The following PRDM16 variants were observed in gnomAD, a reference collection of about 807,000 sequenced individuals.
PRDM16 encodes histone-lysine N-methyltransferase PRDM16.
A neutral mutation model predicts 110.6 loss-of-function variants in PRDM16; 23 were observed. That is an observed-to-expected ratio of 0.21 (90% CI 0.15 to 0.29). The LOEUF is 0.29. Among genes scored for constraint, PRDM16 ranks in the 10% least tolerant of loss-of-function variants. The pLI, the probability that PRDM16 is intolerant of heterozygous loss-of-function variation, is 1.00. For missense variants in PRDM16, 1,615 were observed against 1,794.3 expected, an observed-to-expected ratio of 0.90 and a Z score of 1.81; for synonymous variants, 799 against 781.8, an observed-to-expected ratio of 1.02 and a Z score of -0.37.
At chr1:3,140,842 G>A (rs2817182) in intron 1 of PRDM16, among the ~76,000 whole-genome samples, 276 of 152,320 alleles carry the variant, frequency 1.8e-3, no homozygotes, top group South Asian at 5.0e-3. Context: ...GGCTTCCCTC[G>A]GCAAAACCGT....
chr1:3,262,347 AG>A (rs1557565145), intron 3 of PRDM16, among the ~76,000 whole-genome samples: 1 of 152,264 alleles, frequency 6.6e-6, no homozygotes. Flanking sequence ...TCTGAGGGAC[AG>A]CCCCACACTT....
rs1448418539 is a variant in PRDM16, at chr1:3,175,048, G to C, written c.38-11077G>C. On this transcript the variant is annotated intron_variant, in intron 1 of 16. Transcript: ENST00000270722. This position sits in a 1 kb window ranked among gnomAD's most constrained non-coding sequence, Gnocchi z 4.8. ...CGGTCCCGGGCTGGTCAGAAGGTGG[G>C]ACCAGCGGCCAAGGCTCCTCCTAGC... Among the ~76,000 whole-genome samples, 1 of 152,210 alleles carries C rather than the reference G, an allele frequency of 6.6e-6. No individual in the cohort carries two copies. Among genetic ancestry groups the C allele is most frequent in the Non-Finnish European group, 1.5e-5 (1 of 68,044 alleles).
At chr1:3,093,310 A>G (rs1642318863) in intron 1 of PRDM16, among the ~76,000 whole-genome samples, 1 of 152,222 alleles carries the variant, frequency 6.6e-6, no homozygotes, top group Non-Finnish European at 1.5e-5. Context: ...GTACTGTCCA[A>G]CGTTGCGATG....
At chr1:3,275,316 T>C (rs1015868448) in intron 3 of PRDM16, among the ~76,000 whole-genome samples, 5 of 152,176 alleles carry the variant, frequency 3.3e-5, no homozygotes, top group Non-Finnish European at 5.9e-5. Flanking sequence ...ATCAACCGGA[T>C]ATCGGGAATG....
At chr1:3,417,023 C>T (rs1015690644) in intron 10 of PRDM16, among the ~76,000 whole-genome samples, 2 of 152,172 alleles carry the variant, frequency 1.3e-5, no homozygotes, top group African/African-American at 4.8e-5. Flanking sequence ...CCCTTCCCCT[C>T]TCCTGTCGCT....
chr1:3,293,533 C>T (rs539108403), intron 3 of PRDM16, among the ~76,000 whole-genome samples: 106 of 152,314 alleles, frequency 7.0e-4, no homozygotes, highest in Non-Finnish European at 8.7e-4. Flanking sequence ...GTGAACTCCG[C>T]GCTGCACTAA....
chr1:3,136,412 G>A (rs996608658), intron 1 of PRDM16, among the ~76,000 whole-genome samples: 4 of 152,194 alleles, frequency 2.6e-5, no homozygotes, highest in African/African-American at 9.7e-5. Flanking sequence ...CCGCCTTAGA[G>A]TGGCTGAGCT....
At chr1:3,280,283 C>T (rs1025819301) in intron 3 of PRDM16, among the ~76,000 whole-genome samples, 1 of 152,198 alleles carries the variant, frequency 6.6e-6, no homozygotes, top group Non-Finnish European at 1.5e-5. Context: ...GTGCGCATGA[C>T]CTGGTGTGTG....
intron 3 of PRDM16, among the ~76,000 whole-genome samples, chr1:3,337,010 CAT>C (rs1442600471): frequency 2.7e-5 from 4 of 150,528 alleles, no homozygotes; most frequent in Non-Finnish European, 4.4e-5. Context: ...CATGCATGCA[CAT>C]GTGTGTTGGA....
chr1:3,370,962 G>A lies in PRDM16; in HGVS notation c.439-14190G>A, dbSNP rs534101174. ...CCCATTCATCCATTCACCATCCATCGATTCATCCATTTGTCCATCCACCCA... is the reference window on the plus strand; with the variant it reads ...CCCATTCATCCATTCACCATCCATCAATTCATCCATTTGTCCATCCACCCA... On this transcript the variant is annotated intron_variant, in intron 3 of 16. Coordinates refer to ENST00000270722, the MANE Select transcript of PRDM16 (RefSeq NM_022114.4). This position sits in a 1 kb window ranked among gnomAD's most constrained non-coding sequence, Gnocchi z 4.8. 3.3e-5 allele frequency among the ~76,000 whole-genome samples: 4 copies of A among 122,290 alleles called. No homozygotes were observed. Among genetic ancestry groups the A allele is most frequent in the African/African-American group, 6.5e-5 (2 of 30,990 alleles). 80.2% of individuals were successfully genotyped at this position (122,290 alleles called of 152,430 possible).
In PRDM16 at chr1:3,121,948, C is replaced by T. The variant is rs536662711; in HGVS notation, c.37+52652C>T. ...AAAGCAAATCCCGCTCTAATCTCCC[C>T]GAACAAAGGCCTTTCAGTTGGACCA... On this transcript the variant is annotated intron_variant, in intron 1 of 16. Coordinates refer to ENST00000270722, the MANE Select transcript of PRDM16 (RefSeq NM_022114.4). Among the ~76,000 whole-genome samples the T allele has an allele frequency of 7.9e-5, 12 of 152,348 alleles. No homozygotes were observed. The South Asian group carries it at 1.7e-3, about 21-fold the overall frequency.
At chr1:3,357,552 C>CCGTGTGCACGCAAAGACGGCA (rs1557630813) in intron 3 of PRDM16, among the ~76,000 whole-genome samples, 2 of 151,696 alleles carry the variant, frequency 1.3e-5, no homozygotes, top group African/African-American at 4.9e-5. Context: ...ATCCAGGAAG[C>CCGTGTGCACGCAAAGACGGCA]GCCGTTCCCC....
Position 3,435,671 on chromosome 1 carries a change from TCTC to T in PRDM16, c.*1864_*1866del, listed in dbSNP as rs779110768. Reference sequence around the variant, plus strand: ...TGTGGGTTTGTGTCACGTGTGGACATCTCCTCAGGCTTTGTGTCACGCGTGGAC... The same window carrying T: ...TGTGGGTTTGTGTCACGTGTGGACATCTCAGGCTTTGTGTCACGCGTGGAC... On this transcript the variant is annotated 3_prime_UTR_variant, in exon 17 of 17. Transcript: ENST00000270722. 3.3e-4 allele frequency: 76 copies of T among 232,364 alleles called. 1 individual carries two copies. Among genetic ancestry groups the T allele is most frequent in the African/African-American group, 1.3e-3 (57 of 45,292 alleles). The allele number at this position is 232,364 out of a possible 1,614,324, so 14.4% of individuals were successfully genotyped here. A position where few individuals can be genotyped will look rare whatever the true frequency, so the allele number is the denominator to read the frequency against.
At chr1:3,396,197 C>T in intron 4 of PRDM16, 1 of 484,450 alleles carries the variant, frequency 2.1e-6, no homozygotes, top group Non-Finnish European at 4.0e-6. Context: ...AAGCGGGGCT[C>T]TGCTGTGCCC....
At chr1:3,429,321 C>T (rs376759428) in intron 14 of PRDM16, among the ~76,000 whole-genome samples, 4 of 152,252 alleles carry the variant, frequency 2.6e-5, no homozygotes, top group East Asian at 1.9e-4. Flanking sequence ...TGTGTCCGTG[C>T]CGGATGCTCC....
intron 2 of PRDM16, among the ~76,000 whole-genome samples, chr1:3,239,965 AAAG>A (rs1223710428): frequency 6.6e-6 from 1 of 150,878 alleles, no homozygotes; most frequent in Admixed American, 6.6e-5. Context: ...GAAGAAAAGT[AAAG>A]AAGAAAGAAA....
intron 3 of PRDM16, among the ~76,000 whole-genome samples, chr1:3,266,596 G>A (rs2455094): frequency 0.26 from 39,360 of 152,156 alleles, 5,929 homozygotes; most frequent in African/African-American, 0.39. Context: ...CGCTTGTCTC[G>A]CAGGCGGGAG....
intron 2 of PRDM16, among the ~76,000 whole-genome samples, chr1:3,194,681 T>C (rs1165078216): frequency 4.9e-4 from 49 of 98,990 alleles, no homozygotes; most frequent in African/African-American, 1.1e-3. Context: ...CACCGTCTGA[T>C]CGCCACACGC....
At chr1:3,371,448 TCCATCCACCCAC>T (rs943365223) in intron 3 of PRDM16, among the ~76,000 whole-genome samples, 3 of 150,278 alleles carry the variant, frequency 2.0e-5, no homozygotes, top group Admixed American at 6.6e-5. Context: ...CATCCATTTA[TCCATCCACCCAC>T]CCATCCACCA....
Sources: gnomAD v4.1 joint callset for allele counts (sites outside exome capture counted in the v4.1 genomes callset) on GRCh38, gnomAD v4.1.1 for gene constraint, Gnocchi (gnomAD v3.1) non-coding constraint, MANE v1.5 for transcripts, NCBI Gene and HGNC (gene_info 2026-07-23, HGNC 2026-07-21) for gene names.